The following ANAPC1 variants were observed in gnomAD, a reference collection of about 807,000 sequenced individuals.
ANAPC1 encodes anaphase promoting complex subunit 1.
A neutral mutation model predicts 208.0 loss-of-function variants in ANAPC1; 36 were observed. The ratio of observed to expected loss-of-function variants is 0.17; its 90% CI spans 0.13 to 0.23. The LOEUF is 0.23. Among genes scored for constraint, ANAPC1 ranks in the 10% least tolerant of loss-of-function variants. ANAPC1 has a pLI of 1.00. For synonymous variants in ANAPC1, 378 were observed against 695.2 expected (o/e 0.54, Z 7.18); for missense variants, 942 against 2,011.6 (o/e 0.47, Z 10.17).
At chr2:111,869,718 G>A (rs575102784) in intron 6 of ANAPC1, among the ~76,000 whole-genome samples, 3 of 152,242 alleles carry the variant, frequency 2.0e-5, no homozygotes, top group South Asian at 2.1e-4. Flanking sequence ...TTACACTAAC[G>A]GTTGAGCAAC....
chr2:111,851,257 T>TA (rs1437977653), intron 13 of ANAPC1, among the ~76,000 whole-genome samples: 1 of 152,126 alleles, frequency 6.6e-6, no homozygotes, highest in Non-Finnish European at 1.5e-5. Context: ...CACATGCCAC[T>TA]ATGCCTGGTT....
At chr2:111,880,534 T>C (rs1683247028) in intron 2 of ANAPC1, 79 bp downstream of exon 2, 1 of 1,492,712 alleles carries the variant, frequency 6.7e-7, no homozygotes. Context: ...GATCTCTCAG[T>C]TGCATCTTAG....
chr2:111,852,743 AG>A (rs952175342), intron 13 of ANAPC1, among the ~76,000 whole-genome samples: 2 of 152,092 alleles, frequency 1.3e-5, no homozygotes, highest in Non-Finnish European at 2.9e-5. Flanking sequence ...TAAATGGTTA[AG>A]GAAAAAAAAA....
chr2:111,865,289 C>T, intron 7 of ANAPC1, among the ~76,000 whole-genome samples: 1 of 152,140 alleles, frequency 6.6e-6, no homozygotes, highest in Non-Finnish European at 1.5e-5. Flanking sequence ...ATAAATTGCA[C>T]TCAACTATTC....
Position 111,847,766 on chromosome 2 carries a change from T to G in ANAPC1, c.1750A>C (p.Ile584Leu). 6.2e-7 allele frequency: 1 copy of G among 1,607,136 alleles called. No homozygotes were observed. Among genetic ancestry groups the G allele is most frequent in the Non-Finnish European group, 8.5e-7 (1 of 1,177,064 alleles). The stretch of plus-strand genomic sequence containing the variant: ...TGGACAGGATCTCTGATAGAATGAA[T>G]GTAAGTTCCAAGCTGTTGGAAAGTA... ...DCTFQQLGTY[I>L]HSIRDPVHNR... Residue 584 changes from isoleucine (I) to leucine (L), a missense_variant, in exon 15 of 48, where the codon ATT becomes CTT. Transcript: ENST00000341068.
rs1676786104 is a variant in ANAPC1, at chr2:111,772,347, G to C, written c.5713C>G (p.Leu1905Val). The C allele has an allele frequency of 4.3e-6, 7 of 1,613,106 alleles. No individual in the cohort carries two copies. Among genetic ancestry groups the C allele is most frequent in the Non-Finnish European group, 5.9e-6 (7 of 1,179,712 alleles). The part of the protein sequence containing the change: ...PAPQHLPPIG[L>V]EGSTSFAELL... The stretch of plus-strand genomic sequence containing the variant: ...GACTTAGATATGCAATTACCTTCTA[G>C]TCCTATAGGTGGCAGGTGCTGTGGA... The change falls in exon 47 of 48, where the codon CTA becomes GTA. Residue 1905 changes from leucine (L) to valine (V), a missense_variant. Leu to Val is a conservative substitution (Grantham distance 32). Coordinates refer to ENST00000341068, the MANE Select transcript of ANAPC1 (RefSeq NM_022662.4).
At position 111,800,814 on chromosome 2, in the gene ANAPC1, C is replaced by G; in HGVS notation, c.4279G>C (p.Asp1427His). The part of the protein sequence containing the change: ...DDILPNSKWV[D>H]SNVPQIIREN... ...GTACTTACTTGAGGAACATTGCTGT[C>G]AACCCACTTGGAATTTGGTAAAATA... Residue 1427 changes from aspartate to histidine, a missense_variant, in exon 34 of 48, where the codon GAC becomes CAC. Coordinates refer to ENST00000341068, the MANE Select transcript of ANAPC1 (RefSeq NM_022662.4). 5.1e-6 allele frequency: 3 copies of G among 587,340 alleles called. No homozygotes were observed. Among genetic ancestry groups the G allele is most frequent in the Non-Finnish European group, 8.9e-6 (3 of 337,308 alleles). 36.4% of individuals were successfully genotyped at this position (587,340 alleles called of 1,614,324 possible).
At chr2:111,879,840 C>G (rs1683204973) in intron 2 of ANAPC1, among the ~76,000 whole-genome samples, 1 of 151,820 alleles carries the variant, frequency 6.6e-6, no homozygotes, top group Non-Finnish European at 1.5e-5. Context: ...CCATTGCACT[C>G]CAGCCTGGGC....
In ANAPC1 at chr2:111,825,141, C is replaced by G. The variant is rs773241652; in HGVS notation, c.2731G>C (p.Glu911Gln). ...IAPQKLQVEQ[E>Q]ENRFSFRHST... ...CTAAATAAAAGTCACCTGTTTTCCT[C>G]TTGTTCTACTTGCAACTTCTGGGGG... Residue 911 changes from glutamate (E) to glutamine (Q), a missense_variant, in exon 23 of 48, where the codon GAG (glutamate) becomes CAG (glutamine). Glu to Gln is a conservative substitution (Grantham distance 29). Coordinates refer to ENST00000341068, the MANE Select transcript of ANAPC1 (RefSeq NM_022662.4). 4 of 1,613,702 alleles carry G rather than the reference C, an allele frequency of 2.5e-6. No individual in the cohort carries two copies. The highest frequency in any genetic ancestry group is 2.5e-6 in the Non-Finnish European group (3 of 1,179,854).
chr2:111,829,032 T>C (rs759341201), intron 21 of ANAPC1, among the ~76,000 whole-genome samples: 3 of 152,166 alleles, frequency 2.0e-5, no homozygotes, highest in East Asian at 1.9e-4. Flanking sequence ...CTGGCCAACA[T>C]GGTGAACCCC....
intron 6 of ANAPC1, among the ~76,000 whole-genome samples, chr2:111,868,738 G>A (rs1682572779): frequency 6.6e-6 from 1 of 152,090 alleles, no homozygotes; most frequent in Admixed American, 6.6e-5. Context: ...TCACCATGTT[G>A]GCCAGGCTGG....
chr2:111,881,323 T>C (rs1416931173), intron 1 of ANAPC1, among the ~76,000 whole-genome samples: 1 of 152,158 alleles, frequency 6.6e-6, no homozygotes, highest in African/African-American at 2.4e-5. Flanking sequence ...CTCTAATTCA[T>C]CAGAGGTTGA....
chr2:111,810,755 C>T (rs1431309654), intron 28 of ANAPC1, among the ~76,000 whole-genome samples: 5 of 147,720 alleles, frequency 3.4e-5, no homozygotes, highest in Non-Finnish European at 7.4e-5. Context: ...TGGTAGTGTG[C>T]ACCTGTAATC....
At position 111,846,551 on chromosome 2, in the gene ANAPC1, ATATATATATTTTTTTTTTTTT is replaced by A. The variant is rs1376675726; in HGVS notation, c.1852+566_1852+586del. ...TACATATACATATATATATATATATATATATATATTTTTTTTTTTTTTTTTTTTTTTTTTTTGAGACAGAGT... is the reference window on the plus strand; with the variant it reads ...TACATATACATATATATATATATATATTTTTTTTTTTTTTTGAGACAGAGT... On this transcript the variant is annotated intron_variant, in intron 16 of 47. Transcript: ENST00000341068. 6.8e-4 allele frequency among the ~76,000 whole-genome samples: 44 copies of A among 64,662 alleles called. 1 individual carries two copies. The Middle Eastern group carries it at 0.029, about 42-fold the overall frequency. The allele number at this position is 64,662 out of a possible 152,430, so 42.4% of individuals were successfully genotyped here. A position where few individuals can be genotyped will look rare whatever the true frequency, so the allele number is the denominator to read the frequency against.
chr2:111,882,335 G>C (rs140963018), intron 1 of ANAPC1, among the ~76,000 whole-genome samples: 1 of 152,158 alleles, frequency 6.6e-6, no homozygotes, highest in African/African-American at 2.4e-5. Context: ...TTGACTTGCT[G>C]CTCATAGGGC....
At chr2:111,835,113 G>A (rs1188901211) in intron 18 of ANAPC1, among the ~76,000 whole-genome samples, 1 of 152,010 alleles carries the variant, frequency 6.6e-6, no homozygotes, top group Non-Finnish European at 1.5e-5. Flanking sequence ...TGACCTTTTA[G>A]GAAAGACATT....
chr2:111,829,407 C>A (rs1196531680), intron 21 of ANAPC1, among the ~76,000 whole-genome samples: 1 of 151,926 alleles, frequency 6.6e-6, no homozygotes, highest in Non-Finnish European at 1.5e-5. Flanking sequence ...GGGCAGGGGG[C>A]AAAGACATTT....
chr2:111,832,309 A>G (rs1297769649), intron 20 of ANAPC1, among the ~76,000 whole-genome samples: 3 of 151,058 alleles, frequency 2.0e-5, no homozygotes, highest in Non-Finnish European at 4.4e-5. Flanking sequence ...TCTCAAGAAA[A>G]AAAAAAAAAA....
At chr2:111,841,265 G>A (rs1315899866) in intron 17 of ANAPC1, among the ~76,000 whole-genome samples, 1 of 151,786 alleles carries the variant, frequency 6.6e-6, no homozygotes, top group Non-Finnish European at 1.5e-5. Flanking sequence ...ACAAAACTAA[G>A]CAAAAATCTT....
Sources: allele counts gnomAD v4.1 joint callset (sites outside exome capture counted in the v4.1 genomes callset), GRCh38; gene constraint gnomAD v4.1.1; transcripts MANE v1.5; gene names NCBI Gene and HGNC (gene_info 2026-07-23, HGNC 2026-07-21).